CCDC30: variants seen among roughly 807,000 people sequenced by gnomAD.
CCDC30 encodes the protein coiled-coil domain containing 30, also known as coiled-coil domain-containing protein 30.
CCDC30 carries 70 observed loss-of-function variants against 100.2 expected under a neutral mutation model. The observed-to-expected ratio is 0.70, with a 90% CI of 0.58 to 0.85. The LOEUF is 0.85. Ranked by LOEUF, CCDC30 falls within the 40% of genes least tolerant of loss-of-function variation. CCDC30 has a pLI of 0.00. For synonymous variants in CCDC30, 233 were observed against 269.5 expected, an observed-to-expected ratio of 0.86 and a Z score of 1.33; for missense variants, 652 against 771.2, an observed-to-expected ratio of 0.85 and a Z score of 1.83.
chr1:42,466,490 T>C (rs1467221104), intron 1 of CCDC30, among the ~76,000 whole-genome samples: 2 of 152,188 alleles, frequency 1.3e-5, no homozygotes, highest in Non-Finnish European at 2.9e-5. Context: ...TTTTAAGAGA[T>C]TTAATGAGCA....
rs199610502 is a variant in CCDC30, at chr1:42,580,379, CG to C, written c.847-978del. Among the ~76,000 whole-genome samples, 948 of 152,282 alleles carry C rather than the reference CG, an allele frequency of 6.2e-3. 6 individuals are homozygous for C. Among genetic ancestry groups the C allele is most frequent in the African/African-American group, 0.021 (885 of 41,544 alleles). On this transcript the variant is annotated intron_variant, in intron 8 of 16. Coordinates refer to ENST00000668663, the Ensembl canonical transcript of CCDC30. ...TGCAGAAAGCCCCTCTCTTAGAAAA[CG>C]GGTGACACCCACTGGCATTCACTGA...
chr1:42,459,472 A>G (rs1643344255), upstream of CCDC30: 1 of 832,260 alleles, frequency 1.2e-6, no homozygotes, highest in Admixed American at 2.9e-5. Flanking sequence ...GACTTTTTAA[A>G]CTAAACATTT....
intron 6 of CCDC30, among the ~76,000 whole-genome samples, chr1:42,514,883 C>T (rs987167005): frequency 1.3e-5 from 2 of 151,996 alleles, no homozygotes; most frequent in Non-Finnish European, 2.9e-5. Context: ...GAACTCCTGA[C>T]CTCAGGTGAT....
At chr1:42,523,259 AG>A (rs1290534626) in intron 6 of CCDC30, among the ~76,000 whole-genome samples, 1 of 152,192 alleles carries the variant, frequency 6.6e-6, no homozygotes, top group African/African-American at 2.4e-5. Context: ...TTTCTTGAAT[AG>A]CAGGTATAAC....
In CCDC30 at chr1:42,651,710, T is replaced by A. The variant is rs576956695; in HGVS notation, c.1855-1666T>A. ...AAGACCCTGTATCTACAAAAAAAAA[T>A]TTTTTTTGTTTTAATTAGTTGGGTG... is the stretch of plus-strand genomic sequence containing the variant. On this transcript the variant is annotated intron_variant, in intron 15 of 16. Transcript: ENST00000668663. Among the ~76,000 whole-genome samples the A allele has an allele frequency of 9.2e-4, 139 of 151,842 alleles. 2 individuals are homozygous for A. In the Middle Eastern group the frequency reaches 0.01, roughly 11 times the overall value.
intron 6 of CCDC30, among the ~76,000 whole-genome samples, chr1:42,516,164 C>T (rs1002284251): frequency 2.1e-4 from 32 of 152,158 alleles, no homozygotes; most frequent in African/African-American, 7.2e-4. Context: ...TTCCACCAAC[C>T]GTGTAGAATC....
chr1:42,599,244 T>G (rs1646354022), intron 10 of CCDC30, among the ~76,000 whole-genome samples: 2 of 152,190 alleles, frequency 1.3e-5, no homozygotes, highest in African/African-American at 2.4e-5. Context: ...TAAGTGAAAT[T>G]AATGACAGCA....
At chr1:42,483,152 C>CT (rs1193678005) in intron 3 of CCDC30, among the ~76,000 whole-genome samples, 1 of 152,190 alleles carries the variant, frequency 6.6e-6, no homozygotes, top group Non-Finnish European at 1.5e-5. Context: ...CTGCGTTTGA[C>CT]TATATGCAGT....
At chr1:42,497,435 T>A (rs1644247484) in intron 5 of CCDC30, among the ~76,000 whole-genome samples, 1 of 152,206 alleles carries the variant, frequency 6.6e-6, no homozygotes, top group Non-Finnish European at 1.5e-5. Context: ...ACATTGTTGC[T>A]ATCATGTAAA....
chr1:42,536,733 G>A, intron 6 of CCDC30, 132 bp downstream of exon 7: 1 of 649,272 alleles, frequency 1.5e-6, no homozygotes, highest in Non-Finnish European at 2.7e-6. Flanking sequence ...CAGACTAGGT[G>A]GCTCAAAGAA....
chr1:42,581,270 CTA>C lies in CCDC30; in HGVS notation c.847-88_847-87del, dbSNP rs1345125184. The C allele has an allele frequency of 5.6e-5, 51 of 917,728 alleles. No individual in the cohort carries two copies. The Middle Eastern group carries it at 2.0e-3, about 36-fold the overall frequency. 56.8% of individuals were successfully genotyped at this position (917,728 alleles called of 1,614,324 possible). A position where few individuals can be genotyped will look rare whatever the true frequency, so the allele number is the denominator to read the frequency against. On this transcript the variant is annotated intron_variant, in intron 8 of 16. Transcript: ENST00000668663. The stretch of plus-strand genomic sequence containing the variant: ...AGGTCAGATTAATATGTTAGCACTG[CTA>C]TGTTTGCTATTTATATGTTATTCCC...
intron 6 of CCDC30, among the ~76,000 whole-genome samples, chr1:42,508,716 T>C (rs1180811432): frequency 6.6e-6 from 1 of 152,016 alleles, no homozygotes; most frequent in Non-Finnish European, 1.5e-5. Context: ...ACCTCCTCTG[T>C]TTTTCCCAAG....
Position 42,636,299 on chromosome 1 carries a change from G to T in CCDC30, c.1278-938G>T, listed in dbSNP as rs112307337. Among the ~76,000 whole-genome samples, 170 of 152,110 alleles carry T rather than the reference G, an allele frequency of 1.1e-3. 2 individuals are homozygous for T. The Middle Eastern group carries it at 0.014, about 12-fold the overall frequency. On this transcript the variant is annotated intron_variant, in intron 11 of 16. Transcript: ENST00000668663. ...CCAGGTGTGGTGGTGTGCACTACTT[G>T]GGATGCTGGGGTGGGAGGATTGCTT...
At chr1:42,533,985 T>C (rs888432056) in intron 6 of CCDC30, 4 of 152,140 alleles carry the variant, frequency 2.6e-5, no homozygotes, top group African/African-American at 9.7e-5. Context: ...CTCAGAGATC[T>C]CTGTATCCTA....
At chr1:42,482,901 A>C (rs1643986304) in intron 3 of CCDC30, 85 bp downstream of exon 3, 2 of 871,208 alleles carry the variant, frequency 2.3e-6, no homozygotes, top group Non-Finnish European at 3.0e-6. Flanking sequence ...GAAAAAAAAA[A>C]AACACTGAGA....
intron 4 of CCDC30, chr1:42,491,767 T>C (rs1223555959): frequency 2.4e-5 from 7 of 293,586 alleles, no homozygotes; most frequent in Non-Finnish European, 4.0e-5. Context: ...AAGCACCTTA[T>C]GAAAGGTGGC....
chr1:42,466,011 T>G (rs1026323123), intron 1 of CCDC30, among the ~76,000 whole-genome samples: 41 of 152,258 alleles, frequency 2.7e-4, no homozygotes, highest in Non-Finnish European at 5.7e-4. Context: ...GCTACAGTGT[T>G]TTCAACTTTT....
intron 6 of CCDC30, among the ~76,000 whole-genome samples, chr1:42,515,945 T>G (rs957847409): frequency 6.6e-6 from 1 of 152,234 alleles, no homozygotes; most frequent in Admixed American, 6.5e-5. Context: ...ATTTTGCTGA[T>G]CTATTTGTCT....
intron 6 of CCDC30, among the ~76,000 whole-genome samples, chr1:42,564,928 T>G (rs375784948): frequency 6.6e-6 from 1 of 152,152 alleles, no homozygotes; most frequent in Admixed American, 6.6e-5. Flanking sequence ...ATAAGTGAGA[T>G]CATGCAGTAT....
Sources: allele counts gnomAD v4.1 joint callset (sites outside exome capture counted in the v4.1 genomes callset), GRCh38; gene constraint gnomAD v4.1.1; transcripts MANE v1.5; gene names NCBI Gene and HGNC (gene_info 2026-07-23, HGNC 2026-07-21).